The following CCDC63 variants were observed in gnomAD, a reference collection of about 807,000 sequenced individuals.
CCDC63 encodes coiled-coil domain containing 63, also known as coiled-coil domain-containing protein 63.
CCDC63 carries 54 observed loss-of-function variants against 63.6 expected under a neutral mutation model. That is an observed-to-expected ratio of 0.85 (90% confidence interval 0.68 to 1.07). CCDC63 has a LOEUF of 1.07. Among genes scored for constraint, CCDC63 ranks in the 50% least tolerant of loss-of-function variants. The probability of loss-of-function intolerance (pLI) is 0.00; values close to 1 mark genes in which losing one functional copy is unlikely to be tolerated. For missense variants in CCDC63, 637 were observed against 689.6 expected, an observed-to-expected ratio of 0.92 and a Z score of 0.86; for synonymous variants, 253 against 266.1, an observed-to-expected ratio of 0.95 and a Z score of 0.48.
rs566744884 is a variant in CCDC63 at position 110,890,114 on chromosome 12, G to A, written c.1075-2962G>A. 9.9e-5 allele frequency among the ~76,000 whole-genome samples: 15 copies of A among 152,002 alleles called. No homozygotes were observed. The East Asian group carries it at 1.7e-3, about 18-fold the overall frequency. On this transcript the variant is annotated intron_variant, in intron 8 of 11. Coordinates refer to ENST00000308208, the MANE Select transcript of CCDC63 (RefSeq NM_152591.3). ...TTGAGACCAGCCTGGGCAACATGGC[G>A]AAACCCCATCTCTACAAAAAATACA...
intron 8 of CCDC63, among the ~76,000 whole-genome samples, chr12:110,888,509 T>G (rs1405987244): frequency 6.6e-6 from 1 of 152,204 alleles, no homozygotes; most frequent in Non-Finnish European, 1.5e-5. Flanking sequence ...AACAGTAGCT[T>G]CCAAGCTCTT....
chr12:110,883,958 T>C, intron 7 of CCDC63, 72 bp from the exon 8 acceptor site: 1 of 1,188,004 alleles, frequency 8.4e-7, no homozygotes, highest in Non-Finnish European at 1.3e-6. Flanking sequence ...ATTGATCACG[T>C]TACTGTCTGC....
At chr12:110,875,335 G>A (rs2136686815) in intron 5 of CCDC63, among the ~76,000 whole-genome samples, 1 of 152,340 alleles carries the variant, frequency 6.6e-6, no homozygotes, top group African/African-American at 2.4e-5. Flanking sequence ...CATTGGTTAA[G>A]AATCATAGAT....
intron 4 of CCDC63, among the ~76,000 whole-genome samples, chr12:110,873,151 G>T (rs1173112657): frequency 6.6e-6 from 1 of 152,184 alleles, no homozygotes. Context: ...TAGGAGAATC[G>T]CTTGAACCTG....
At position 110,873,978 on chromosome 12, in the gene CCDC63, C is replaced by T. The variant is rs79769562; in HGVS notation, c.489+17C>T. On this transcript the variant is annotated intron_variant, in intron 5 of 11. Transcript: ENST00000308208. ...TTGAATCTCGTATGTAAAGTGTTCT[C>T]TGCAGCTCTGCAAACAGCTCTGCCC... 896 of 1,602,000 alleles carry T rather than the reference C, an allele frequency of 5.6e-4. 11 individuals carry two copies. The African/African-American group carries it at 0.011, about 20-fold the overall frequency.
At chr12:110,868,051 A>G (rs2070999719) in intron 4 of CCDC63, among the ~76,000 whole-genome samples, 1 of 142,916 alleles carries the variant, frequency 7.0e-6, no homozygotes, top group Non-Finnish European at 1.5e-5. Flanking sequence ...CACCTCCCAG[A>G]CGGGGTCTCG....
chr12:110,844,780 T>C (rs779448913), upstream of CCDC63, among the ~76,000 whole-genome samples: 1 of 152,070 alleles, frequency 6.6e-6, no homozygotes, highest in African/African-American at 2.4e-5. Flanking sequence ...CCTGAACAAA[T>C]TGGGATTGGC....
At chr12:110,863,867 A>G in intron 4 of CCDC63, among the ~76,000 whole-genome samples, 1 of 152,172 alleles carries the variant, frequency 6.6e-6, no homozygotes, top group East Asian at 1.9e-4. Flanking sequence ...CATCTCTGCA[A>G]TGATGGTTTG....
chr12:110,897,764 G>T (rs187522172), intron 9 of CCDC63, among the ~76,000 whole-genome samples: 2,090 of 133,572 alleles, frequency 0.016, 50 homozygotes, highest in African/African-American at 0.058. Flanking sequence ...ATAGAGTCTC[G>T]CTCTGTCACC....
intron 9 of CCDC63, among the ~76,000 whole-genome samples, chr12:110,895,041 G>C (rs142840284): frequency 0.013 from 1,946 of 151,182 alleles, 15 homozygotes; most frequent in Non-Finnish European, 0.017. Flanking sequence ...CCGCCCCCGA[G>C]TAGCTGGGAT....
At chr12:110,886,048 G>T (rs2071274468) in intron 8 of CCDC63, among the ~76,000 whole-genome samples, 1 of 152,128 alleles carries the variant, frequency 6.6e-6, no homozygotes, top group Non-Finnish European at 1.5e-5. Context: ...ATGGAGTGAA[G>T]GTGACTTTAT....
intron 1 of CCDC63, among the ~76,000 whole-genome samples, chr12:110,851,716 G>T (rs1379630583): frequency 6.6e-6 from 1 of 152,136 alleles, no homozygotes; most frequent in Non-Finnish European, 1.5e-5. Context: ...TCACCACCCT[G>T]CACCTTCGCC....
At chr12:110,857,163 G>A (rs1363763710) in intron 3 of CCDC63, among the ~76,000 whole-genome samples, 1 of 150,610 alleles carries the variant, frequency 6.6e-6, no homozygotes, top group African/African-American at 2.4e-5. Flanking sequence ...GTCTTGCTCT[G>A]TCTCCCAGGC....
chr12:110,892,677 T>C (rs969741361), intron 8 of CCDC63, among the ~76,000 whole-genome samples: 1 of 151,950 alleles, frequency 6.6e-6, no homozygotes, highest in African/African-American at 2.4e-5. Context: ...AAAGCTGGGC[T>C]TGGTGGTGCG....
chr12:110,900,882 G>A (rs1052482005), intron 10 of CCDC63, among the ~76,000 whole-genome samples: 31 of 152,212 alleles, frequency 2.0e-4, no homozygotes, highest in African/African-American at 6.8e-4. Flanking sequence ...ACAGGCGTGA[G>A]CCACTGCGCC....
chr12:110,878,739 C>T (rs1244722328), intron 5 of CCDC63, among the ~76,000 whole-genome samples: 1 of 152,162 alleles, frequency 6.6e-6, no homozygotes, highest in Non-Finnish European at 1.5e-5. Flanking sequence ...GATTTTATTT[C>T]CTTTGGGTGT....
At chr12:110,896,640 C>G (rs1034855208) in intron 9 of CCDC63, among the ~76,000 whole-genome samples, 7 of 152,124 alleles carry the variant, frequency 4.6e-5, no homozygotes, top group African/African-American at 1.4e-4. Context: ...AAGGAAATAC[C>G]CTAGAACAGT....
chr12:110,905,884 A>AAATATAATAT (rs2071554745), intron 11 of CCDC63, among the ~76,000 whole-genome samples: 1 of 98,214 alleles, frequency 1.0e-5, no homozygotes, highest in Non-Finnish European at 1.9e-5. Context: ...GTGTGTGTAT[A>AAATATAATAT]TATATAATAT....
intron 7 of CCDC63, among the ~76,000 whole-genome samples, chr12:110,882,091 A>T (rs2071216036): frequency 6.6e-6 from 1 of 152,342 alleles, no homozygotes; most frequent in African/African-American, 2.4e-5. Flanking sequence ...AAAGGCACCA[A>T]GCAAGATCAG....
Sources: allele counts gnomAD v4.1 joint callset (sites outside exome capture counted in the v4.1 genomes callset), GRCh38; gene constraint gnomAD v4.1.1; transcripts MANE v1.5; gene names NCBI Gene and HGNC (gene_info 2026-07-23, HGNC 2026-07-21).